The following BCAS3 variants were observed in gnomAD, a reference collection of about 807,000 sequenced individuals.
BCAS3 encodes the protein BCAS4/BCAS3 fusion.
In BCAS3, 53 loss-of-function variants were observed where a neutral mutation model predicts 116.1. The ratio of observed to expected loss-of-function variants is 0.46; its 90% confidence interval spans 0.37 to 0.57. The LOEUF is 0.57. BCAS3 is among the 20% of genes least tolerant of loss of function. The pLI, the probability that BCAS3 is intolerant of heterozygous loss-of-function variation, is 0.00. For missense variants in BCAS3, 917 were observed against 1,165.4 expected (o/e 0.79, Z 3.10); for synonymous variants, 391 against 408.2 (o/e 0.96, Z 0.51).
chr17:61,357,653 A>G (rs1406621758), intron 22 of BCAS3, among the ~76,000 whole-genome samples: 2 of 149,990 alleles, frequency 1.3e-5, no homozygotes, highest in Admixed American at 1.3e-4. Context: ...CATCTTAGCC[A>G]GGCTGGTCTT....
At chr17:61,153,766 A>G (rs189703382) in intron 22 of BCAS3, among the ~76,000 whole-genome samples, 4 of 152,094 alleles carry the variant, frequency 2.6e-5, no homozygotes, top group Admixed American at 2.6e-4. Context: ...TGTTTACCTC[A>G]TTATCAACTT....
intron 14 of BCAS3, among the ~76,000 whole-genome samples, chr17:60,981,234 A>G (rs571817118): frequency 6.6e-6 from 1 of 152,254 alleles, no homozygotes; most frequent in South Asian, 2.1e-4. Context: ...TAAGAGTCCA[A>G]GTAAGAGACT....
chr17:60,870,813 T>G (rs2055034531), intron 8 of BCAS3, among the ~76,000 whole-genome samples: 3 of 152,196 alleles, frequency 2.0e-5, no homozygotes, highest in African/African-American at 4.8e-5. Context: ...AACTCAAGTC[T>G]TGACTCCTAC....
At chr17:61,318,943 G>A (rs1033029964) in intron 22 of BCAS3, among the ~76,000 whole-genome samples, 2 of 152,192 alleles carry the variant, frequency 1.3e-5, no homozygotes, top group African/African-American at 4.8e-5. Context: ...GCTTTGTACT[G>A]TGCATCGTGA....
At chr17:61,201,640 G>A (rs564498880) in intron 22 of BCAS3, among the ~76,000 whole-genome samples, 4 of 152,168 alleles carry the variant, frequency 2.6e-5, no homozygotes, top group African/African-American at 9.6e-5. Context: ...GGTGAGAGAG[G>A]GTACCATGAC....
At chr17:60,928,684 G>A (rs1191889984) in intron 13 of BCAS3, among the ~76,000 whole-genome samples, 3 of 152,220 alleles carry the variant, frequency 2.0e-5, no homozygotes, top group Non-Finnish European at 4.4e-5. Context: ...GATGCAGAAA[G>A]TGCTCAATTC....
chr17:61,298,519 G>C (rs1568787582), intron 22 of BCAS3, among the ~76,000 whole-genome samples: 3 of 152,184 alleles, frequency 2.0e-5, no homozygotes, highest in Admixed American at 6.5e-5. Flanking sequence ...CCATGCAAAG[G>C]CTGGCTCTCT....
intron 10 of BCAS3, among the ~76,000 whole-genome samples, chr17:60,891,512 CA>C (rs2057147781): frequency 6.6e-6 from 1 of 152,162 alleles, no homozygotes; most frequent in Non-Finnish European, 1.5e-5. Flanking sequence ...ATAGTATTTT[CA>C]TAAGAGCTAG....
intron 4 of BCAS3, among the ~76,000 whole-genome samples, chr17:60,692,484 C>T (rs901945301): frequency 3.9e-5 from 6 of 152,048 alleles, no homozygotes; most frequent in Admixed American, 6.6e-5. Context: ...CCTCGTGATC[C>T]GCCCGTCTTG....
chr17:61,049,021 A>G (rs1174916336), intron 19 of BCAS3, among the ~76,000 whole-genome samples: 1 of 152,120 alleles, frequency 6.6e-6, no homozygotes, highest in Non-Finnish European at 1.5e-5. Context: ...GACTGAAGAT[A>G]GATTATAAAT....
intron 22 of BCAS3, among the ~76,000 whole-genome samples, chr17:61,340,835 G>C (rs558838771): frequency 1.3e-5 from 2 of 152,180 alleles, no homozygotes; most frequent in African/African-American, 4.8e-5. Flanking sequence ...GAGGCTGAAG[G>C]CTGCTTGGAA....
At chr17:60,903,951 AT>A (rs1194566812) in intron 11 of BCAS3, among the ~76,000 whole-genome samples, 59 of 152,262 alleles carry the variant, frequency 3.9e-4, no homozygotes, top group African/African-American at 1.4e-3. Context: ...AGTTTAGCTT[AT>A]GATCATTTTC....
At chr17:60,870,050 G>C (rs1175062110) in intron 8 of BCAS3, among the ~76,000 whole-genome samples, 1 of 152,062 alleles carries the variant, frequency 6.6e-6, no homozygotes, top group Non-Finnish European at 1.5e-5. Context: ...CGCAAAATAT[G>C]GTTGCTCAGT....
chr17:61,264,414 T>C (rs964435121), intron 22 of BCAS3, among the ~76,000 whole-genome samples: 1 of 151,668 alleles, frequency 6.6e-6, no homozygotes, highest in Admixed American at 6.6e-5. Context: ...AAGTCTTTTT[T>C]TTTTTTTTTT....
intron 7 of BCAS3, among the ~76,000 whole-genome samples, chr17:60,852,581 A>G (rs1749904284): frequency 6.6e-6 from 1 of 152,208 alleles, no homozygotes; most frequent in South Asian, 2.1e-4. Context: ...TATGTTAAGA[A>G]TTGTGTACAA....
At chr17:61,234,433 T>G (rs2082872105) in intron 22 of BCAS3, among the ~76,000 whole-genome samples, 1 of 152,216 alleles carries the variant, frequency 6.6e-6, no homozygotes, top group Admixed American at 6.5e-5. Context: ...CCTTGCAGAT[T>G]CAATACTAAA....
Position 61,380,821 on chromosome 17 carries a change from G to C in BCAS3, c.2594-11156G>C, listed in dbSNP as rs574257008. Among the ~76,000 whole-genome samples, 231 of 152,362 alleles carry C rather than the reference G, an allele frequency of 1.5e-3. 1 individual carries two copies. The highest frequency in any genetic ancestry group is 5.4e-3 in the African/African-American group (225 of 41,580). ...TGCCCCCCACTTTGAAGATGGAAGT[G>C]AAATTTTCGGACTCTGCTGTGCAGA... On this transcript the variant is annotated intron_variant, in intron 23 of 23. Coordinates refer to ENST00000407086, the MANE Select transcript of BCAS3 (RefSeq NM_017679.5). This position sits in a 1 kb window ranked among gnomAD's most constrained non-coding sequence, Gnocchi z 4.2.
chr17:60,726,356 A>G (rs142781874), intron 5 of BCAS3, among the ~76,000 whole-genome samples: 4,596 of 141,428 alleles, frequency 0.032, 208 homozygotes, highest in African/African-American at 0.11. Flanking sequence ...ATGCACCACC[A>G]CTCTTGGCTA....
chr17:60,837,406 GACTA>G (rs919699331), intron 7 of BCAS3, among the ~76,000 whole-genome samples: 14 of 152,138 alleles, frequency 9.2e-5, no homozygotes, highest in South Asian at 2.1e-4. Context: ...CCTTTAATGA[GACTA>G]ACTAAGAGAA....
Sources: gnomAD v4.1 joint callset for allele counts (sites outside exome capture counted in the v4.1 genomes callset) on GRCh38, gnomAD v4.1.1 for gene constraint, Gnocchi (gnomAD v3.1) non-coding constraint, MANE v1.5 for transcripts, NCBI Gene and HGNC (gene_info 2026-07-23, HGNC 2026-07-21) for gene names.